FSTL5: variants seen among roughly 807,000 people sequenced by gnomAD.
The protein encoded by FSTL5 is follistatin like 5.
In FSTL5, 62 loss-of-function variants were observed where a neutral mutation model predicts 89.1. That is an observed-to-expected ratio of 0.70 (90% CI 0.57 to 0.86). The LOEUF is 0.86. Ranked by LOEUF, FSTL5 falls within the 40% of genes least tolerant of loss-of-function variation. FSTL5 has a pLI of 0.00. For missense variants in FSTL5, 1,057 were observed against 1,001.6 expected (o/e 1.06, Z -0.75); for synonymous variants, 383 against 346.2 (o/e 1.11, Z -1.18).
At chr4:161,407,560 C>T (rs773852476) in intron 15 of FSTL5, among the ~76,000 whole-genome samples, 3 of 151,342 alleles carry the variant, frequency 2.0e-5, no homozygotes, top group Non-Finnish European at 4.4e-5. Context: ...ATCCTAGCTG[C>T]AGGGACCCCA....
At chr4:161,972,696 T>C (rs576329157) in intron 3 of FSTL5, among the ~76,000 whole-genome samples, 1 of 152,356 alleles carries the variant, frequency 6.6e-6, no homozygotes, top group Admixed American at 6.5e-5. Context: ...ACACCTTGGA[T>C]GTGAGAGATC....
At chr4:161,869,154 C>CGCCA (rs1384915172) in intron 4 of FSTL5, among the ~76,000 whole-genome samples, 1 of 151,924 alleles carries the variant, frequency 6.6e-6, no homozygotes, top group Non-Finnish European at 1.5e-5. Flanking sequence ...GAGCCGAGAT[C>CGCCA]GCCACTGCAC....
At chr4:162,126,034 T>C (rs1305296905) in intron 1 of FSTL5, among the ~76,000 whole-genome samples, 1 of 151,966 alleles carries the variant, frequency 6.6e-6, no homozygotes, top group Non-Finnish European at 1.5e-5. Flanking sequence ...AGACAAAATG[T>C]TAAGCTTTAA....
At chr4:161,831,420 C>G (rs1322931977) in intron 4 of FSTL5, among the ~76,000 whole-genome samples, 1 of 151,698 alleles carries the variant, frequency 6.6e-6, no homozygotes, top group Admixed American at 6.6e-5. Context: ...ATTTTCATCA[C>G]CTGAATGCAT....
chr4:161,599,076 ACCC>A (rs1185921741), intron 7 of FSTL5, among the ~76,000 whole-genome samples: 1 of 152,106 alleles, frequency 6.6e-6, no homozygotes, highest in Non-Finnish European at 1.5e-5. Flanking sequence ...GGACAAAGCA[ACCC>A]ATTATCTGTA....
At chr4:161,711,201 G>GA (rs1055139869) in intron 6 of FSTL5, among the ~76,000 whole-genome samples, 3 of 151,684 alleles carry the variant, frequency 2.0e-5, no homozygotes, top group East Asian at 1.9e-4. Flanking sequence ...TATAGCTGTG[G>GA]AAAAAATAGA....
At chr4:161,890,149 C>A (rs1473481056) in intron 4 of FSTL5, among the ~76,000 whole-genome samples, 1 of 152,092 alleles carries the variant, frequency 6.6e-6, no homozygotes, top group Non-Finnish European at 1.5e-5. Context: ...TATATAGCAT[C>A]TTTAAAATCA....
chr4:161,954,604 A>C (rs990852274), intron 3 of FSTL5, among the ~76,000 whole-genome samples: 1 of 151,594 alleles, frequency 6.6e-6, no homozygotes. Flanking sequence ...ACATGTGTAT[A>C]TATCCATCTA....
chr4:161,976,067 G>A (rs1344969482), intron 3 of FSTL5, among the ~76,000 whole-genome samples: 5 of 141,428 alleles, frequency 3.5e-5, no homozygotes, highest in East Asian at 4.2e-4. Flanking sequence ...GCAGTGAGCC[G>A]AGATCGCGTC....
intron 15 of FSTL5, among the ~76,000 whole-genome samples, chr4:161,405,434 T>G (rs537118886): frequency 6.6e-6 from 1 of 152,100 alleles, no homozygotes; most frequent in Non-Finnish European, 1.5e-5. Context: ...AAATATTTAC[T>G]GAAAGGTTTC....
At chr4:162,091,223 C>T (rs1037045978) in intron 2 of FSTL5, among the ~76,000 whole-genome samples, 1 of 152,184 alleles carries the variant, frequency 6.6e-6, no homozygotes, top group Non-Finnish European at 1.5e-5. Flanking sequence ...CTCCATTGCA[C>T]TCTGCAATTA....
chr4:161,401,241 A>G (rs892992320), intron 15 of FSTL5, among the ~76,000 whole-genome samples: 1 of 152,214 alleles, frequency 6.6e-6, no homozygotes, highest in African/African-American at 2.4e-5. Flanking sequence ...TCAATTTAGT[A>G]GCCTTTCTCT....
intron 3 of FSTL5, among the ~76,000 whole-genome samples, chr4:161,997,907 T>C (rs1167637865): frequency 2.6e-5 from 4 of 152,080 alleles, no homozygotes; most frequent in South Asian, 4.1e-4. Flanking sequence ...CCCGGCCAAG[T>C]GTGTACATGT....
intron 4 of FSTL5, among the ~76,000 whole-genome samples, chr4:161,787,067 T>TA (rs1297479199): frequency 1.3e-5 from 2 of 152,122 alleles, no homozygotes; most frequent in Non-Finnish European, 1.5e-5. Context: ...TAATAGGAGA[T>TA]AGAGTAAATT....
chr4:161,628,726 C>T (rs568883993), intron 7 of FSTL5, among the ~76,000 whole-genome samples: 1 of 152,128 alleles, frequency 6.6e-6, no homozygotes, highest in East Asian at 1.9e-4. Flanking sequence ...TTCCTTTTAA[C>T]TTCCTATCAG....
At chr4:161,657,883 CCTATT>C (rs1444390256) in intron 6 of FSTL5, among the ~76,000 whole-genome samples, 1 of 152,248 alleles carries the variant, frequency 6.6e-6, no homozygotes, top group East Asian at 1.9e-4. Context: ...TACTCACACT[CCTATT>C]CTGTTATGTA....
rs980772089 is a variant in FSTL5 at position 161,385,591 on chromosome 4, G to C, written c.*156C>G. 1.7e-5 allele frequency: 10 copies of C among 587,236 alleles called. No homozygotes were observed. The highest frequency in any genetic ancestry group is 1.7e-4 in the African/African-American group (9 of 53,672). The allele number at this position is 587,236 out of a possible 1,614,324, so 36.4% of individuals were successfully genotyped here. ...AATATAATTAATTGTGTATGTCTTA[G>C]TCACTTAGTCAAAAACAATTTATTT... is the stretch of plus-strand genomic sequence containing the variant. On this transcript the variant is annotated 3_prime_UTR_variant, in exon 16 of 16. Transcript: ENST00000306100.
intron 2 of FSTL5, among the ~76,000 whole-genome samples, chr4:162,063,343 A>G (rs1310876565): frequency 6.6e-6 from 1 of 151,866 alleles, no homozygotes; most frequent in Non-Finnish European, 1.5e-5. Flanking sequence ...CTTATACAAG[A>G]GAAATTTGCA....
chr4:161,553,438 T>C (rs1732281001), intron 8 of FSTL5, among the ~76,000 whole-genome samples: 1 of 151,368 alleles, frequency 6.6e-6, no homozygotes, highest in African/African-American at 2.4e-5. Flanking sequence ...AAATTTGATT[T>C]ATTTTTGAGT....
Sources: gnomAD v4.1 joint callset for allele counts (sites outside exome capture counted in the v4.1 genomes callset) on GRCh38, gnomAD v4.1.1 for gene constraint, MANE v1.5 for transcripts, NCBI Gene and HGNC (gene_info 2026-07-23, HGNC 2026-07-21) for gene names.